The following ACTR3B variants were observed in gnomAD, a reference collection of about 807,000 sequenced individuals.
ACTR3B encodes the protein actin-related protein 3B.
A neutral mutation model predicts 59.0 loss-of-function variants in ACTR3B; 8 were observed. That is an observed-to-expected ratio of 0.14 (90% CI 0.08 to 0.24). The LOEUF is 0.24. Among genes scored for constraint, ACTR3B ranks in the 10% least tolerant of loss-of-function variants. The pLI is 1.00. For missense variants in ACTR3B, 245 were observed against 552.3 expected (o/e 0.44, Z 5.58); for synonymous variants, 148 against 197.9 (o/e 0.75, Z 2.12).
intron 1 of ACTR3B, among the ~76,000 whole-genome samples, chr7:152,768,971 G>A (rs1369070714): frequency 1.3e-5 from 2 of 151,674 alleles, no homozygotes; most frequent in Admixed American, 6.6e-5. Flanking sequence ...CTTTGCCTCA[G>A]CCTCCCGAGG....
chr7:152,849,670 A>T lies in ACTR3B; in HGVS notation c.952-2456A>T, dbSNP rs184181684. Among the ~76,000 whole-genome samples, 403 of 152,384 alleles carry T rather than the reference A, an allele frequency of 2.6e-3. 4 individuals carry two copies. In the South Asian group the frequency reaches 0.041, roughly 15 times the overall value. On this transcript the variant is annotated intron_variant, in intron 9 of 11. Coordinates refer to ENST00000256001, the MANE Select transcript of ACTR3B (RefSeq NM_020445.6). ...ATGTTTTTGGTATTCACCACTGTGG[A>T]TAAGCAAAACACTTGTTGCAGTGAA...
At chr7:152,828,591 A>C (rs1796769604) in intron 9 of ACTR3B, among the ~76,000 whole-genome samples, 1 of 152,154 alleles carries the variant, frequency 6.6e-6, no homozygotes, top group Non-Finnish European at 1.5e-5. Context: ...TGTTCTGGTT[A>C]GAAGACATGC....
intron 1 of ACTR3B, among the ~76,000 whole-genome samples, chr7:152,762,439 A>G (rs979232621): frequency 5.3e-5 from 8 of 152,192 alleles, no homozygotes; most frequent in Non-Finnish European, 7.3e-5. Flanking sequence ...AGTTTTACCA[A>G]CTGTTAACAT....
At chr7:152,773,211 C>G (rs2098128411) in intron 1 of ACTR3B, among the ~76,000 whole-genome samples, 1 of 149,724 alleles carries the variant, frequency 6.7e-6, no homozygotes, top group African/African-American at 2.5e-5. Context: ...ACTAAATTCA[C>G]TTTCTGTACT....
At chr7:152,821,758 G>C (rs1254700167) in intron 7 of ACTR3B, among the ~76,000 whole-genome samples, 1 of 152,244 alleles carries the variant, frequency 6.6e-6, no homozygotes, top group Non-Finnish European at 1.5e-5. Context: ...TGGCCCTGCT[G>C]TGTGGGGTAG....
In ACTR3B at chr7:152,853,495, C is replaced by T. The variant is rs1245341628; in HGVS notation, c.1079C>T (p.Pro360Leu). 3.1e-6 allele frequency: 5 copies of T among 1,613,612 alleles called. No individual in the cohort carries two copies. The highest frequency in any genetic ancestry group is 3.3e-5 in the Admixed American group (2 of 59,970). Reference protein sequence around the residue: ...SEELSGGRIKPKPVEVQVVTH... With the variant: ...SEELSGGRIKLKPVEVQVVTH... Reference sequence around the variant, plus strand: ...AGTGAGAGCTGCTTTCTCTTCCAGCCGAAGCCTGTGGAGGTCCAGGTGGTC... The same window carrying T: ...AGTGAGAGCTGCTTTCTCTTCCAGCTGAAGCCTGTGGAGGTCCAGGTGGTC... Residue 360 changes from proline to leucine, a missense_variant and splice_region_variant, in exon 11 of 12, where the codon CCG (proline) becomes CTG (leucine). Transcript: ENST00000256001.
intron 1 of ACTR3B, among the ~76,000 whole-genome samples, chr7:152,762,225 T>C (rs1261272099): frequency 2.6e-5 from 4 of 152,198 alleles, no homozygotes; most frequent in Non-Finnish European, 5.9e-5. Flanking sequence ...CAAAGGGATC[T>C]GCTGAGTCCA....
intron 4 of ACTR3B, among the ~76,000 whole-genome samples, chr7:152,802,019 G>T (rs575254298): frequency 1.3e-5 from 2 of 152,100 alleles, no homozygotes; most frequent in African/African-American, 4.8e-5. Flanking sequence ...TCTTCTGTTT[G>T]TTCCCCCTGG....
At chr7:152,830,018 C>T (rs1470897318) in intron 9 of ACTR3B, among the ~76,000 whole-genome samples, 1 of 152,176 alleles carries the variant, frequency 6.6e-6, no homozygotes. Flanking sequence ...GGAAATAACT[C>T]TAATGGGAAC....
intron 9 of ACTR3B, among the ~76,000 whole-genome samples, chr7:152,843,861 A>C (rs1359767384): frequency 1.3e-5 from 2 of 152,184 alleles, no homozygotes; most frequent in Non-Finnish European, 2.9e-5. Context: ...GTAAATACAC[A>C]CTATTTAGTA....
chr7:152,792,347 G>T (rs1218274993), intron 2 of ACTR3B, among the ~76,000 whole-genome samples: 2 of 151,998 alleles, frequency 1.3e-5, no homozygotes, highest in Non-Finnish European at 2.9e-5. Context: ...TCTTTCCATT[G>T]TTCTTTCTTT....
intron 1 of ACTR3B, among the ~76,000 whole-genome samples, chr7:152,775,530 C>T (rs1449776928): frequency 1.3e-5 from 2 of 151,990 alleles, no homozygotes; most frequent in African/African-American, 2.4e-5. Context: ...GAGGCCGAGG[C>T]GGGCAGATCA....
chr7:152,762,781 C>T (rs569879726), intron 1 of ACTR3B, among the ~76,000 whole-genome samples: 110 of 152,028 alleles, frequency 7.2e-4, no homozygotes, highest in African/African-American at 2.5e-3. Context: ...CTTTTTTTGT[C>T]TTTCAAGATG....
intron 2 of ACTR3B, among the ~76,000 whole-genome samples, chr7:152,790,332 AAC>A: frequency 6.6e-6 from 1 of 152,228 alleles, no homozygotes; most frequent in Non-Finnish European, 1.5e-5. Context: ...TCGAATATTG[AAC>A]AGTTATTTCT....
At chr7:152,851,920 G>A (rs1798835225) in intron 9 of ACTR3B, among the ~76,000 whole-genome samples, 1 of 152,000 alleles carries the variant, frequency 6.6e-6, no homozygotes, top group South Asian at 2.1e-4. Context: ...AAGGATTAAG[G>A]AGCCATCTGT....
intron 1 of ACTR3B, among the ~76,000 whole-genome samples, chr7:152,782,343 A>G (rs1402806640): frequency 6.6e-6 from 1 of 151,698 alleles, no homozygotes; most frequent in Non-Finnish European, 1.5e-5. Flanking sequence ...AGCGCTGATG[A>G]GTCTTCTCGA....
chr7:152,794,747 G>A (rs1044103528), intron 2 of ACTR3B, among the ~76,000 whole-genome samples: 3 of 151,900 alleles, frequency 2.0e-5, no homozygotes, highest in African/African-American at 7.2e-5. Context: ...CTCAGTCGTC[G>A]TGGCCCACAA....
chr7:152,805,717 G>A (rs1278677884), intron 4 of ACTR3B, among the ~76,000 whole-genome samples: 3 of 152,168 alleles, frequency 2.0e-5, no homozygotes, highest in Admixed American at 1.3e-4. Flanking sequence ...GACCTAGCCA[G>A]TGTAGACCTA....
intron 4 of ACTR3B, among the ~76,000 whole-genome samples, chr7:152,806,816 G>C (rs1247422169): frequency 6.6e-6 from 1 of 152,206 alleles, no homozygotes; most frequent in African/African-American, 2.4e-5. Flanking sequence ...TTCTGGGCCT[G>C]TTGCCATTTC....
Sources: allele counts gnomAD v4.1 joint callset (sites outside exome capture counted in the v4.1 genomes callset), GRCh38; gene constraint gnomAD v4.1.1; transcripts MANE v1.5; gene names NCBI Gene and HGNC (gene_info 2026-07-23, HGNC 2026-07-21).